The following TTN variants were observed in gnomAD, a reference collection of about 807,000 sequenced individuals.
TTN encodes the protein titin, also known as connectin.
TTN carries 1,525 observed loss-of-function variants against 3,223.0 expected under a neutral mutation model. That is an observed-to-expected ratio of 0.47 (90% CI 0.45 to 0.49). TTN has a LOEUF of 0.49. TTN is among the 20% of genes least tolerant of loss of function. TTN has a pLI of 0.00. For synonymous variants in TTN, 14,094 were observed against 15,161.0 expected (o/e 0.93, Z 5.17); for missense variants, 40,786 against 43,424.0 (o/e 0.94, Z 5.40).
At chr2:178,554,821 T>A in intron 331 of TTN, 44 bp downstream of exon 331, 5 of 1,612,812 alleles carry the variant, frequency 3.1e-6, no homozygotes, top group Non-Finnish European at 4.2e-6. Flanking sequence ...ATTACTAAGC[T>A]TTAGGCAAAT....
rs756868442 is a variant in TTN, at chr2:178,738,218, C to T, written c.14235G>A (p.Lys4745=). ...KAGREIYESD[K]CSIRSSKYIS... Reference sequence around the variant, plus strand: ...TATACTTTGAAGATCGAATAGAACACTTGTCACTCTCATAAATTTCTCGGC... The same window carrying T: ...TATACTTTGAAGATCGAATAGAACATTTGTCACTCTCATAAATTTCTCGGC... The change falls in exon 49 of 363, where the codon AAG becomes AAA. Residue 4745 remains lysine (K), a synonymous_variant. Transcript: ENST00000589042. 280 of 1,613,522 alleles carry T rather than the reference C, an allele frequency of 1.7e-4. No individual in the cohort carries two copies. The highest frequency in any genetic ancestry group is 2.4e-4 in the Non-Finnish European group (279 of 1,179,772).
At position 178,617,234 on chromosome 2, in the gene TTN, C is replaced by G. The variant is rs778682806; in HGVS notation, c.47761G>C (p.Val15921Leu). 6.5e-6 allele frequency: 10 copies of G among 1,541,022 alleles called. No homozygotes were observed. The South Asian group carries it at 1.1e-4, about 17-fold the overall frequency. The stretch of plus-strand genomic sequence containing the variant: ...TTATTTCCTTTTTCCAATCCGGTAA[C>G]CTACGATTATGAATTAATATTTGTA... ...MKLVPELTYK[V>L]TGLEKGNKYL... Residue 15921 changes from valine to leucine, a missense_variant and splice_region_variant, in exon 255 of 363, where the codon GTT becomes CTT. By Grantham distance (32) the Val-to-Leu change is conservative. Transcript: ENST00000589042.
Position 178,620,366 on chromosome 2 carries a change from G to A in TTN, c.46155C>T (p.Leu15385=), listed in dbSNP as rs1394331445. ...AGQDKSVAEL[L]IIEAPTEFVE... ...CAAATTCTGTCGGGGCTTCTATGATGAGAAGCTCAGCAACAGATTTATCTT... is the reference window on the plus strand; with the variant it reads ...CAAATTCTGTCGGGGCTTCTATGATAAGAAGCTCAGCAACAGATTTATCTT... The change falls in exon 248 of 363, where the codon CTC becomes CTT. Residue 15385 remains leucine, a synonymous_variant. Transcript: ENST00000589042. 6 of 1,610,202 alleles carry A rather than the reference G, an allele frequency of 3.7e-6. No homozygotes were observed. The Admixed American group carries it at 1.0e-4, about 27-fold the overall frequency.
intron 83 of TTN, 54 bp downstream of exon 83, chr2:178,719,110 C>T (rs770309869): frequency 8.3e-6 from 13 of 1,559,406 alleles, no homozygotes; most frequent in Middle Eastern, 1.7e-4. Context: ...GCAGGCACCA[C>T]GTCCACATGA....
intron 41 of TTN, among the ~76,000 whole-genome samples, chr2:178,765,834 C>T (rs2090288381): frequency 6.6e-6 from 1 of 152,152 alleles, no homozygotes; most frequent in Admixed American, 6.5e-5. Flanking sequence ...TCAGAGGCTC[C>T]TCAGGAGTGC....
At position 178,602,575 on chromosome 2, in the gene TTN, G is replaced by C. The variant is rs971758179; in HGVS notation, c.54827C>G (p.Pro18276Arg). The C allele has an allele frequency of 4.0e-6, 6 of 1,516,834 alleles. No homozygotes were observed. Among genetic ancestry groups the C allele is most frequent in the Non-Finnish European group, 5.3e-6 (6 of 1,134,780 alleles). The allele number at this position is 1,516,834 out of a possible 1,614,324, so 94.0% of individuals were successfully genotyped here. The change falls in exon 283 of 363, where the codon CCT (proline) becomes CGT (arginine). Residue 18276 changes from proline to arginine, a missense_variant. Pro to Arg is a moderately radical substitution (Grantham distance 103, BLOSUM62 -2). Coordinates refer to ENST00000589042, the MANE Select transcript of TTN (RefSeq NM_001267550.2). ...TTTATCTTTAACTTCTGGGCAAGAA[G>C]GTGGCCCCGGTGGAACTAATAACAA... ...AGDPIFPPGP[P>R]SCPEVKDKTK...
chr2:178,624,794 C>A (rs1249086963), intron 241 of TTN, 63 bp from the exon 242 acceptor site: 2 of 1,575,786 alleles, frequency 1.3e-6, no homozygotes, highest in Non-Finnish European at 1.7e-6. Flanking sequence ...TTGGTACCTT[C>A]TCAACTTTCC....
Position 178,580,568 on chromosome 2 carries a change from G to T in TTN, c.66811C>A (p.Leu22271Ile), listed in dbSNP as rs2047464424. Reference protein sequence around the residue: ...GELDADLRKTLILRAGVTMRL... With the variant: ...GELDADLRKTIILRAGVTMRL... ...ATAGTAACTCCAGCACGTAATATGA[G>T]TGTCTTCCTTAAGTCCGCATCAAGT... The change falls in exon 317 of 363, where the codon CTC (leucine) becomes ATC (isoleucine). Residue 22271 changes from leucine (L) to isoleucine (I), a missense_variant. By Grantham distance (5) the Leu-to-Ile change is conservative (BLOSUM62 2). Transcript: ENST00000589042. 1 of 1,612,138 alleles carries T rather than the reference G, an allele frequency of 6.2e-7. No homozygotes were observed. Among genetic ancestry groups the T allele is most frequent in the African/African-American group, 1.3e-5 (1 of 74,858 alleles).
intron 242 of TTN, 85 bp from the exon 243 acceptor site, chr2:178,622,852 A>T: frequency 9.4e-7 from 1 of 1,058,604 alleles, no homozygotes; most frequent in Non-Finnish European, 1.4e-6. Flanking sequence ...AGAAAAAGTG[A>T]CTCTTTTTTA....
chr2:178,640,742 T>G, intron 220 of TTN, 112 bp from the exon 221 acceptor site: 1 of 808,592 alleles, frequency 1.2e-6, no homozygotes, highest in Non-Finnish European at 1.9e-6. Flanking sequence ...TTAAAAAACC[T>G]TATAGTTTAT....
In TTN at chr2:178,607,021, C is replaced by T. The variant is rs1576357395; in HGVS notation, c.53581G>A (p.Gly17861Ser). The T allele has an allele frequency of 6.2e-7, 1 of 1,606,624 alleles. No homozygotes were observed. Among genetic ancestry groups the T allele is most frequent in the Non-Finnish European group, 8.5e-7 (1 of 1,177,814 alleles). The change falls in exon 278 of 363, where the codon GGT (glycine) becomes AGT (serine). Residue 17861 changes from glycine (G) to serine (S), a missense_variant and splice_region_variant. By Grantham distance (56) the Gly-to-Ser change is moderately conservative (BLOSUM62 0). Coordinates refer to ENST00000589042, the MANE Select transcript of TTN (RefSeq NM_001267550.2). ...AACACAATGAAACCTTCTCTTTTAC[C>T]TAGTGGATCAACTGCAAGAATTGGT... ...IGPILAVDPLGPPTSPERLTY... is the reference protein window; with the variant it reads ...IGPILAVDPLSPPTSPERLTY...
At chr2:178,679,866 A>G (rs756031582) in intron 140 of TTN, 28 bp downstream of exon 140, 1 of 1,610,720 alleles carries the variant, frequency 6.2e-7, no homozygotes, top group Admixed American at 1.7e-5. Flanking sequence ...ATGCTGTTGC[A>G]CAGCCCTTTG....
rs369216122 is a variant in TTN at position 178,598,673 on chromosome 2, C to A, written c.56963-19G>T. 417 of 1,603,068 alleles carry A rather than the reference C, an allele frequency of 2.6e-4. No individual in the cohort carries two copies. The African/African-American group carries it at 4.7e-3, about 18-fold the overall frequency. ...GGAGGGGCTGCAAAGAGCCAGTATA[C>A]GTTAGTATTCTTGACTTTTCCAAGG... On this transcript the variant is annotated intron_variant, in intron 291 of 362. Transcript: ENST00000589042.
intron 123 of TTN, 27 bp downstream of exon 123, chr2:178,689,488 T>C (rs771748391): frequency 5.6e-6 from 9 of 1,604,238 alleles, no homozygotes; most frequent in Middle Eastern, 1.6e-4. Context: ...AAAGACAAGG[T>C]TATTTCATGG....
chr2:178,751,906 C>G lies in TTN; in HGVS notation c.11311+1218G>C, dbSNP rs2085639804. 6.3e-7 allele frequency: 1 copy of G among 1,596,284 alleles called. No individual in the cohort carries two copies. Among genetic ancestry groups the G allele is most frequent in the Non-Finnish European group, 8.5e-7 (1 of 1,173,548 alleles). ...TAAAAGAAGGCTTAAAATATTCAGG[C>G]CAGGAGCTTGTAGATGATATTCTAC... On this transcript the variant is annotated intron_variant, in intron 47 of 362. Transcript: ENST00000589042.
Position 178,553,717 on chromosome 2 carries a change from C to A in TTN, c.89288G>T (p.Gly29763Val). 6.2e-7 allele frequency: 1 copy of A among 1,613,724 alleles called. No individual in the cohort carries two copies. Among genetic ancestry groups the A allele is most frequent in the Non-Finnish European group, 8.5e-7 (1 of 1,179,722 alleles). Residue 29763 changes from glycine (G) to valine (V), a missense_variant, in exon 334 of 363, where the codon GGC becomes GTC. Gly to Val is a moderately radical substitution (Grantham distance 109). Coordinates refer to ENST00000589042, the MANE Select transcript of TTN (RefSeq NM_001267550.2). ...GACAACATACCCAGTAACAGCACTG[C>A]CCCCATCATAGACAGGCTTACTCCA... ...LGWSKPVYDG[G>V]SAVTGYVVEI...
At chr2:178,779,742 CT>C in intron 22 of TTN, 1 of 537,758 alleles carries the variant, frequency 1.9e-6, no homozygotes, top group Non-Finnish European at 3.3e-6. Flanking sequence ...ATGAACTCAG[CT>C]GTGCTAATAT....
rs376626305 is a variant in TTN at position 178,675,125 on chromosome 2, T to C, written c.34538-12A>G. The C allele has an allele frequency of 3.7e-5, 57 of 1,540,934 alleles. No individual in the cohort carries two copies. Among genetic ancestry groups the C allele is most frequent in the East Asian group, 2.2e-4 (9 of 40,374 alleles). The stretch of plus-strand genomic sequence containing the variant: ...AGGCACCTCAGGAACTTGAGAGACA[T>C]TGATTATTTTAGACACTTAAAATGC... On this transcript the variant is annotated splice_polypyrimidine_tract_variant and intron_variant, in intron 149 of 362. Coordinates refer to ENST00000589042, the MANE Select transcript of TTN (RefSeq NM_001267550.2).
rs772692722 is a variant in TTN, at chr2:178,554,446, G to C, written c.88894+7C>G. The C allele has an allele frequency of 2.5e-6, 4 of 1,611,398 alleles. No homozygotes were observed. The highest frequency in any genetic ancestry group is 1.7e-6 in the Non-Finnish European group (2 of 1,178,734). ...CGTTTCAGTTTTCTAATGAAATCAT[G>C]TCTCACCAAATGCGTTCTTGGCTAC... On this transcript the variant is annotated splice_region_variant and intron_variant, in intron 332 of 362. Transcript: ENST00000589042.
Sources: allele counts gnomAD v4.1 joint callset (sites outside exome capture counted in the v4.1 genomes callset), GRCh38; gene constraint gnomAD v4.1.1; transcripts MANE v1.5; gene names NCBI Gene and HGNC (gene_info 2026-07-23, HGNC 2026-07-21).